The following CACNA1B variants were observed in gnomAD, a reference collection of about 807,000 sequenced individuals.
CACNA1B encodes the protein voltage-dependent N-type calcium channel subunit alpha-1B.
Under a neutral mutation model 247.2 loss-of-function variants are expected in CACNA1B, and 70 were observed. That is an observed-to-expected ratio of 0.28 (90% CI 0.23 to 0.35). The LOEUF is 0.35. Among genes scored for constraint, CACNA1B ranks in the 10% least tolerant of loss-of-function variants. The pLI is 1.00. For missense variants in CACNA1B, 2,367 were observed against 3,197.4 expected (o/e 0.74, Z 6.26); for synonymous variants, 1,231 against 1,294.4 (o/e 0.95, Z 1.05).
chr9:137,938,349 T>C (rs1957693803), intron 6 of CACNA1B, among the ~76,000 whole-genome samples: 2 of 152,038 alleles, frequency 1.3e-5, no homozygotes, highest in Non-Finnish European at 2.9e-5. Flanking sequence ...ACAATAACAA[T>C]TTTAAAAACC....
chr9:137,967,676 G>A (rs913398473), intron 10 of CACNA1B, among the ~76,000 whole-genome samples: 1 of 151,788 alleles, frequency 6.6e-6, no homozygotes, highest in African/African-American at 2.4e-5. Context: ...GATCCAGGCT[G>A]CTGTGCCCAC....
chr9:137,908,795 T>C (rs1437195914), intron 3 of CACNA1B, among the ~76,000 whole-genome samples: 1 of 150,620 alleles, frequency 6.6e-6, no homozygotes, highest in African/African-American at 2.4e-5. Context: ...CATGCCTGGC[T>C]AATTTTTTTG....
intron 41 of CACNA1B, 116 bp downstream of exon 41, chr9:138,114,606 A>G: frequency 1.6e-6 from 1 of 621,036 alleles, no homozygotes. Context: ...GTATCTCAGA[A>G]GGAAGATGAA....
At chr9:137,975,854 C>T in intron 11 of CACNA1B, 53 bp from the exon 12 acceptor site, 1 of 1,108,068 alleles carries the variant, frequency 9.0e-7, no homozygotes, top group Non-Finnish European at 1.4e-6. Context: ...TGGGCTGGAG[C>T]CAGAGTGGGA....
rs771589334 is a variant in CACNA1B, at chr9:138,010,003, C to A, written c.2093-7C>A. ...AGAGGTTCCCTTCCTCAGCTGGACC[C>A]AACCAGACACTCTGCTGAATGTCTT... On this transcript the variant is annotated splice_polypyrimidine_tract_variant and splice_region_variant and intron_variant, in intron 16 of 46. Coordinates refer to ENST00000371372, the MANE Select transcript of CACNA1B (RefSeq NM_000718.4). This position sits in a 1 kb window ranked among gnomAD's most constrained non-coding sequence, Gnocchi z 5.3. The A allele has an allele frequency of 3.1e-6, 5 of 1,612,790 alleles. No individual in the cohort carries two copies. The Admixed American group carries it at 8.3e-5, about 27-fold the overall frequency.
chr9:137,964,580 A>G (rs907070874), intron 10 of CACNA1B, among the ~76,000 whole-genome samples: 14 of 152,212 alleles, frequency 9.2e-5, no homozygotes, highest in Non-Finnish European at 7.3e-5. Context: ...TGTATTGGCT[A>G]TCAGTTCCTG....
chr9:138,019,956 G>A lies in CACNA1B; in HGVS notation c.2268-3055G>A, dbSNP rs1019661112. 7.9e-5 allele frequency among the ~76,000 whole-genome samples: 12 copies of A among 152,094 alleles called. No individual in the cohort carries two copies. In the South Asian group the frequency reaches 1.5e-3, roughly 18 times the overall value. ...CTACTAAATACAAAAAATTAGCCGT[G>A]AGTGGTGGCGGGCGCCTGTAGTCCC... On this transcript the variant is annotated intron_variant, in intron 18 of 46. Coordinates refer to ENST00000371372, the MANE Select transcript of CACNA1B (RefSeq NM_000718.4).
chr9:138,060,374 T>G (rs950713968), intron 31 of CACNA1B, among the ~76,000 whole-genome samples: 2 of 152,196 alleles, frequency 1.3e-5, no homozygotes, highest in Non-Finnish European at 2.9e-5. Flanking sequence ...TGAAATTTAT[T>G]TCTTAAGTTA....
intron 10 of CACNA1B, among the ~76,000 whole-genome samples, chr9:137,970,583 C>T (rs1012506581): frequency 2.0e-5 from 3 of 152,138 alleles, no homozygotes; most frequent in Non-Finnish European, 2.9e-5. Flanking sequence ...GGGCCACTGT[C>T]GGAGGTGAGC....
Position 138,073,911 on chromosome 9 carries a change from G to C in CACNA1B, c.4792-90G>C, listed in dbSNP as rs1248223155. ...ATGGAGCTTGAGTAGGCTGAGGTCT[G>C]TGTGACCTCAAAGGCCCAGCCACCG... On this transcript the variant is annotated intron_variant, in intron 33 of 46. Coordinates refer to ENST00000371372, the MANE Select transcript of CACNA1B (RefSeq NM_000718.4). This position sits in a 1 kb window ranked among gnomAD's most constrained non-coding sequence, Gnocchi z 6.4. 3.0e-6 allele frequency: 3 copies of C among 997,854 alleles called. No individual in the cohort carries two copies. The highest frequency in any genetic ancestry group is 3.4e-5 in the Admixed American group (2 of 58,876). The allele number at this position is 997,854 out of a possible 1,614,324, so 61.8% of individuals were successfully genotyped here.
intron 18 of CACNA1B, chr9:138,017,066 A>T (rs1958802136): frequency 2.0e-6 from 1 of 502,762 alleles, no homozygotes; most frequent in African/African-American, 1.9e-5. Flanking sequence ...CGTGGCTCTC[A>T]GTGTCACTGG....
Position 137,952,446 on chromosome 9 carries a change from G to GT in CACNA1B, c.1070+70dup. On this transcript the variant is annotated intron_variant, in intron 7 of 46. Transcript: ENST00000371372. The surrounding 1 kb of genome is among the most constrained non-coding windows in gnomAD (Gnocchi z 4.8). ...TCAGCTGAGGGGTCAACAGGGGCACGTGTGACACTTGGGGTGGGGGCCTGG... is the reference window on the plus strand; with the variant it reads ...TCAGCTGAGGGGTCAACAGGGGCACGTTGTGACACTTGGGGTGGGGGCCTGG... 1 of 1,304,146 alleles carries GT rather than the reference G, an allele frequency of 7.7e-7. No homozygotes were observed. Among genetic ancestry groups the GT allele is most frequent in the Non-Finnish European group, 1.1e-6 (1 of 902,070 alleles). The allele number at this position is 1,304,146 out of a possible 1,614,324, so 80.8% of individuals were successfully genotyped here.
intron 15 of CACNA1B, among the ~76,000 whole-genome samples, chr9:138,003,693 A>G (rs1958609706): frequency 6.6e-6 from 1 of 152,084 alleles, no homozygotes; most frequent in Admixed American, 6.6e-5. Context: ...GTCATCAGAA[A>G]TAGGAGCTGG....
intron 20 of CACNA1B, among the ~76,000 whole-genome samples, chr9:138,038,320 A>G (rs1959071665): frequency 1.3e-5 from 2 of 152,178 alleles, no homozygotes; most frequent in Non-Finnish European, 2.9e-5. Context: ...CTATGACAGC[A>G]TGTTCCAGGA....
intron 23 of CACNA1B, among the ~76,000 whole-genome samples, chr9:138,048,335 G>A (rs186592638): frequency 1.3e-3 from 204 of 152,288 alleles, no homozygotes; most frequent in African/African-American, 4.5e-3. Context: ...GGATCTGGGC[G>A]AGCTCTGAGC....
chr9:138,120,320 G>A lies in CACNA1B; in HGVS notation c.6186G>A (p.Arg2062=), dbSNP rs1208477217. The A allele has an allele frequency of 1.9e-6, 3 of 1,565,270 alleles. No individual in the cohort carries two copies. Among genetic ancestry groups the A allele is most frequent in the Non-Finnish European group, 2.6e-6 (3 of 1,160,360 alleles). The change falls in exon 45 of 47, where the codon AGG becomes AGA. Residue 2062 remains arginine, a synonymous_variant. Transcript: ENST00000371372. ...HHHRCHRRRD[R]KQRSLEKGPS... ...ACCGCTGCCACCGCCGCAGGGACAGGAAGCAGAGGTCCCTGGAGAAGGGGC... is the reference window on the plus strand; with the variant it reads ...ACCGCTGCCACCGCCGCAGGGACAGAAAGCAGAGGTCCCTGGAGAAGGGGC...
At position 137,959,640 on chromosome 9, in the gene CACNA1B, C is replaced by T. The variant is rs529167646; in HGVS notation, c.1333+1953C>T. Among the ~76,000 whole-genome samples, 55 of 152,094 alleles carry T rather than the reference C, an allele frequency of 3.6e-4. No individual in the cohort carries two copies. In the East Asian group the frequency reaches 0.01, roughly 29 times the overall value. The stretch of plus-strand genomic sequence containing the variant: ...GACTTAGGCTTTGTTAGGAAATCGC[C>T]CCGTTCTCAGGGTGTTGGGATCCCT... On this transcript the variant is annotated intron_variant, in intron 10 of 46. Coordinates refer to ENST00000371372, the MANE Select transcript of CACNA1B (RefSeq NM_000718.4).
rs1033140863 is a variant in CACNA1B, at chr9:137,877,849, G to C, written c.-85G>C. ...CCGCTGCGGTCCCGGCGGCTCCGTG[G>C]CTGCTCCGCTCTGAGCGCCTGGCGC... is the stretch of plus-strand genomic sequence containing the variant. On this transcript the variant is annotated 5_prime_UTR_variant, in exon 1 of 47. Coordinates refer to ENST00000371372, the MANE Select transcript of CACNA1B (RefSeq NM_000718.4). 8.9e-6 allele frequency: 7 copies of C among 785,900 alleles called. No individual in the cohort carries two copies. The African/African-American group carries it at 1.1e-4, about 13-fold the overall frequency. The allele number at this position is 785,900 out of a possible 1,614,324, so 48.7% of individuals were successfully genotyped here.
chr9:138,079,799 C>T (rs1002719211), intron 36 of CACNA1B, among the ~76,000 whole-genome samples: 1 of 146,238 alleles, frequency 6.8e-6, no homozygotes, highest in African/African-American at 2.5e-5. Context: ...CGCTAGAACC[C>T]GGGAGGTGGA....
Sources: gnomAD v4.1 joint callset for allele counts (sites outside exome capture counted in the v4.1 genomes callset) on GRCh38, gnomAD v4.1.1 for gene constraint, Gnocchi (gnomAD v3.1) non-coding constraint, MANE v1.5 for transcripts, NCBI Gene and HGNC (gene_info 2026-07-23, HGNC 2026-07-21) for gene names.